The following SUPT7L variants were observed in gnomAD, a reference collection of about 807,000 sequenced individuals.
SUPT7L encodes the protein SPT7 like, STAGA complex subunit gamma, also known as STAGA complex 65 subunit gamma.
SUPT7L carries 15 observed loss-of-function variants against 35.7 expected under a neutral mutation model. The ratio of observed to expected loss-of-function variants is 0.42; its 90% CI spans 0.28 to 0.65. SUPT7L has a LOEUF of 0.65. SUPT7L is among the 30% of genes least tolerant of loss of function. SUPT7L has a pLI of 0.23. For synonymous variants in SUPT7L, 168 were observed against 186.2 expected, an observed-to-expected ratio of 0.90 and a Z score of 0.79; for missense variants, 434 against 522.2, an observed-to-expected ratio of 0.83 and a Z score of 1.65.
downstream of SUPT7L, chr2:27,650,213 C>T: frequency 6.8e-7 from 1 of 1,475,174 alleles, no homozygotes; most frequent in Non-Finnish European, 9.5e-7. Flanking sequence ...GACTTTAGCA[C>T]ACTTCACTTG....
the SUPT7L span, among the ~76,000 whole-genome samples, chr2:27,642,984 CACACACACACAT>C: frequency 2.0e-5 from 3 of 151,142 alleles, no homozygotes; most frequent in African/African-American, 7.3e-5. Flanking sequence ...CACACACACA[CACACACACACAT>C]ACATATGCAT....
At chr2:27,650,190 A>T, downstream of SUPT7L, 1 of 1,584,744 alleles carries the variant, frequency 6.3e-7, no homozygotes, top group Non-Finnish European at 8.7e-7. Flanking sequence ...TGGAAGAGAA[A>T]CAATAAATAG....
chr2:27,657,366 G>C lies in SUPT7L; in HGVS notation c.723C>G (p.Asp241Glu), dbSNP rs781129599. Residue 241 changes from aspartate (D) to glutamate (E), a missense_variant, in exon 4 of 6, where the codon GAC becomes GAG. Physicochemically the swap from Asp to Glu is conservative, Grantham distance 45. Around this residue, in one of 3 missense-constraint regions of SUPT7L, gnomAD observed 159 missense variants for 217.1 expected, o/e 0.73. Coordinates refer to ENST00000337768, the MANE Select transcript of SUPT7L (RefSeq NM_014860.3). The surrounding 1 kb of genome is among the most constrained non-coding windows in gnomAD (Gnocchi z 5.2). ...LQKFWQHRIK[D>E]YHSYMLQISK... ...TCACCTGTAGCATGTAACTGTGATA[G>C]TCCTTGATGCGGTGCTGCCAGAACT... 1 of 1,614,184 alleles carries C rather than the reference G, an allele frequency of 6.2e-7. No homozygotes were observed. Among genetic ancestry groups the C allele is most frequent in the Non-Finnish European group, 8.5e-7 (1 of 1,180,006 alleles).
In SUPT7L at chr2:27,661,304, T is replaced by C. The variant is rs1219463578; in HGVS notation, c.99A>G (p.Glu33=). ...GTTGGTGCAGGGGTGGGTCATGGAC[T>C]TCCACCAGACGGAACTCCCGTGGGA... ...DLLPREFRLV[E]VHDPPLHQPS... Residue 33 remains glutamate, a synonymous_variant, in exon 3 of 6, where the codon GAA becomes GAG. Coordinates refer to ENST00000337768, the MANE Select transcript of SUPT7L (RefSeq NM_014860.3). 8 of 1,613,896 alleles carry C rather than the reference T, an allele frequency of 5.0e-6. No homozygotes were observed. Among genetic ancestry groups the C allele is most frequent in the African/African-American group, 1.3e-5 (1 of 74,902 alleles).
chr2:27,650,855 T>C lies in SUPT7L; in HGVS notation c.*2630A>G, dbSNP rs578122100. On this transcript the variant is annotated 3_prime_UTR_variant, in exon 6 of 6. Coordinates refer to ENST00000337768, the MANE Select transcript of SUPT7L (RefSeq NM_014860.3). Reference sequence around the variant, plus strand: ...AGACTTTTTAATTTTAACTTTGTTCTAAGACTGCTTGTCATGATTTCAAAT... The same window carrying C: ...AGACTTTTTAATTTTAACTTTGTTCCAAGACTGCTTGTCATGATTTCAAAT... The C allele has an allele frequency of 9.8e-5, 15 of 152,952 alleles. No homozygotes were observed. Among genetic ancestry groups the C allele is most frequent in the African/African-American group, 3.1e-4 (13 of 41,598 alleles). 9.5% of individuals were successfully genotyped at this position (152,952 alleles called of 1,614,324 possible).
downstream of SUPT7L, chr2:27,648,095 C>T (rs1328931684): frequency 1.6e-6 from 1 of 617,924 alleles, no homozygotes; most frequent in East Asian, 2.8e-5. Context: ...GAGTTCCTGT[C>T]CTGCCTACTG....
chr2:27,661,055 C>A lies in SUPT7L; in HGVS notation c.348G>T (p.Leu116=). 6.2e-7 allele frequency: 1 copy of A among 1,614,120 alleles called. No individual in the cohort carries two copies. Among genetic ancestry groups the A allele is most frequent in the African/African-American group, 1.3e-5 (1 of 75,004 alleles). The part of the protein sequence containing the change: ...PGSPPLPDDL[L]PLDCKNPNAP... ...CATTGGGATTCTTACAATCTAAAGG[C>A]AGGAGGTCATCAGGGAGAGGAGGTG... Residue 116 remains leucine, a synonymous_variant, in exon 3 of 6, where the codon CTG becomes CTT. Transcript: ENST00000337768.
chr2:27,648,050 A>G (rs1674326124), downstream of SUPT7L: 1 of 676,332 alleles, frequency 1.5e-6, no homozygotes, highest in Admixed American at 2.2e-5. Context: ...TAGTGGATAA[A>G]GGATACAGCA....
chr2:27,649,248 AAAAC>A (rs1257990424), downstream of SUPT7L, among the ~76,000 whole-genome samples: 171 of 149,494 alleles, frequency 1.1e-3, no homozygotes, highest in African/African-American at 3.9e-3. Flanking sequence ...TTGATCTCAA[AAAAC>A]AAACAAACAA....
chr2:27,647,741 G>A (rs757994603), downstream of SUPT7L: 1 of 715,002 alleles, frequency 1.4e-6, no homozygotes, highest in Non-Finnish European at 2.5e-6. Flanking sequence ...TGTATCATGA[G>A]CACTTTCATC....
At chr2:27,662,077 C>G in intron 2 of SUPT7L, 102 bp downstream of exon 2, 5 of 1,543,076 alleles carry the variant, frequency 3.2e-6, no homozygotes. Flanking sequence ...TAGACTTACT[C>G]TTTTTAAAAC....
chr2:27,653,203 G>C lies in SUPT7L; in HGVS notation c.*282C>G. 2.3e-6 allele frequency: 1 copy of C among 434,844 alleles called. No homozygotes were observed. The highest frequency in any genetic ancestry group is 2.4e-5 in the South Asian group (1 of 40,940). The allele number at this position is 434,844 out of a possible 1,614,324, so 26.9% of individuals were successfully genotyped here. ...GATAAATGGCTGTATAACATGTCTA[G>C]TCATAGTTAAGACAACAATTGGGGA... On this transcript the variant is annotated 3_prime_UTR_variant, in exon 6 of 6. Coordinates refer to ENST00000337768, the MANE Select transcript of SUPT7L (RefSeq NM_014860.3).
chr2:27,648,643 A>G (rs1262187319), downstream of SUPT7L, among the ~76,000 whole-genome samples: 2 of 152,084 alleles, frequency 1.3e-5, no homozygotes, highest in Non-Finnish European at 2.9e-5. Flanking sequence ...AATTGTTACT[A>G]TTATTTTTTT....
At chr2:27,655,760 AT>A (rs1674774871) in intron 4 of SUPT7L, among the ~76,000 whole-genome samples, 158 bp from the exon 5 acceptor site, 1 of 152,246 alleles carries the variant, frequency 6.6e-6, no homozygotes, top group Non-Finnish European at 1.5e-5. Flanking sequence ...CTGAGTTTGC[AT>A]TTATGAGTGA....
downstream of SUPT7L, among the ~76,000 whole-genome samples, chr2:27,649,689 C>T (rs1445596953): frequency 1.3e-5 from 2 of 152,060 alleles, no homozygotes; most frequent in Non-Finnish European, 2.9e-5. Flanking sequence ...CATGTTGTTG[C>T]ATGTATCAGT....
rs1049202573 is a variant in SUPT7L, at chr2:27,653,510, C to T, written c.1220G>A (p.Cys407Tyr). Residue 407 changes from cysteine to tyrosine, a missense_variant, in exon 6 of 6, where the codon TGC becomes TAC. This residue lies in a region of SUPT7L where 159 missense variants were observed against 217.1 expected (regional missense o/e 0.73). Coordinates refer to ENST00000337768, the MANE Select transcript of SUPT7L (RefSeq NM_014860.3). ...MGSSPVFNQR[C>Y]KKRMRKI ...TTATATTTTCCTCATCCTCTTCTTG[C>T]AGCGCTGGTTGAAAACAGGGGAGGA... The T allele has an allele frequency of 7.4e-6, 12 of 1,614,118 alleles. No homozygotes were observed. The highest frequency in any genetic ancestry group is 1.1e-5 in the South Asian group (1 of 91,078).
Position 27,653,371 on chromosome 2 carries a change from C to A in SUPT7L, c.*114G>T. ...CCAGTTCCTCTGGAATTAGGAAAAA[C>A]CACTTGTGTTTAAGAACAGGAGTCA... On this transcript the variant is annotated 3_prime_UTR_variant, in exon 6 of 6. Coordinates refer to ENST00000337768, the MANE Select transcript of SUPT7L (RefSeq NM_014860.3). The A allele has an allele frequency of 6.9e-7, 1 of 1,442,548 alleles. No homozygotes were observed. Among genetic ancestry groups the A allele is most frequent in the East Asian group, 2.3e-5 (1 of 43,632 alleles). The allele number at this position is 1,442,548 out of a possible 1,614,324, so 89.4% of individuals were successfully genotyped here.
chr2:27,645,010 C>T, the SUPT7L span, among the ~76,000 whole-genome samples: 1 of 152,048 alleles, frequency 6.6e-6, no homozygotes, highest in Admixed American at 6.6e-5. Flanking sequence ...CTCTGTCACC[C>T]AGGCTGGAGT....
chr2:27,662,031 C>T, intron 2 of SUPT7L, 148 bp downstream of exon 2: 1 of 1,057,432 alleles, frequency 9.5e-7, no homozygotes, highest in Non-Finnish European at 1.4e-6. Context: ...TTCCTCCAAT[C>T]TCTCTTTGTA....
Sources: allele counts gnomAD v4.1 joint callset (sites outside exome capture counted in the v4.1 genomes callset), GRCh38; gene constraint gnomAD v4.1.1; regional missense constraint gnomAD v4.1.1; non-coding constraint Gnocchi (gnomAD v3.1); transcripts MANE v1.5; gene names NCBI Gene and HGNC (gene_info 2026-07-23, HGNC 2026-07-21).